Variants in PHTF2 observed in about 807,000 individuals in gnomAD.
PHTF2 encodes the protein putative homeodomain transcription factor 2.
In PHTF2, 60 loss-of-function variants were observed where a neutral mutation model predicts 101.2. The ratio of observed to expected loss-of-function variants is 0.59; its 90% CI spans 0.48 to 0.73. The LOEUF (loss-of-function observed/expected upper bound fraction) is 0.73. Ranked by LOEUF, PHTF2 falls within the 30% of genes least tolerant of loss-of-function variation. The pLI is 0.00. For missense variants in PHTF2, 747 were observed against 908.7 expected (o/e 0.82, Z 2.29); for synonymous variants, 311 against 307.3 (o/e 1.01, Z -0.13).
intron 16 of PHTF2, among the ~76,000 whole-genome samples, chr7:77,946,203 C>T (rs1385051638): frequency 6.6e-6 from 1 of 152,102 alleles, no homozygotes. Flanking sequence ...AGAAAACATG[C>T]AATCATATCA....
intron 7 of PHTF2, among the ~76,000 whole-genome samples, chr7:77,907,380 C>T (rs1344422556): frequency 6.6e-6 from 1 of 152,014 alleles, no homozygotes; most frequent in African/African-American, 2.4e-5. Flanking sequence ...GTATATTGGA[C>T]CAGGATTCTT....
intron 1 of PHTF2, among the ~76,000 whole-genome samples, chr7:77,829,736 G>A (rs1192496474): frequency 2.0e-5 from 3 of 152,158 alleles, no homozygotes; most frequent in Admixed American, 6.5e-5. Context: ...TTGTGGTGAA[G>A]GCAACTGAGT....
intron 7 of PHTF2, among the ~76,000 whole-genome samples, chr7:77,904,315 C>T (rs1400703796): frequency 6.6e-6 from 1 of 152,132 alleles, no homozygotes; most frequent in Non-Finnish European, 1.5e-5. Flanking sequence ...TTAGTCAATC[C>T]TCTATGTTCT....
intron 3 of PHTF2, among the ~76,000 whole-genome samples, chr7:77,890,742 A>T (rs1291066033): frequency 6.6e-6 from 1 of 150,876 alleles, no homozygotes; most frequent in Non-Finnish European, 1.5e-5. Context: ...AGTAACTGGG[A>T]CTACAGATGC....
intron 3 of PHTF2, among the ~76,000 whole-genome samples, chr7:77,860,960 TC>T (rs1423137663): frequency 1.3e-5 from 2 of 152,256 alleles, no homozygotes; most frequent in African/African-American, 4.8e-5. Context: ...CACCTCGGCC[TC>T]CCAAATTGTT....
At chr7:77,939,574 A>C (rs1053872724) in intron 13 of PHTF2, among the ~76,000 whole-genome samples, 2 of 143,168 alleles carry the variant, frequency 1.4e-5, no homozygotes, top group African/African-American at 5.4e-5. Context: ...TGGGCAATAG[A>C]GTGAGACCCT....
At chr7:77,845,595 A>C (rs1796213456) in intron 2 of PHTF2, among the ~76,000 whole-genome samples, 1 of 152,138 alleles carries the variant, frequency 6.6e-6, no homozygotes, top group African/African-American at 2.4e-5. Context: ...GGGAACTTTA[A>C]ATTTTCCACC....
chr7:77,950,038 C>T (rs986839712), intron 17 of PHTF2, among the ~76,000 whole-genome samples: 3 of 151,920 alleles, frequency 2.0e-5, no homozygotes, highest in African/African-American at 7.3e-5. Flanking sequence ...TTTTAATGTC[C>T]CATTTTTATT....
chr7:77,899,130 C>T (rs1213243691), intron 5 of PHTF2, among the ~76,000 whole-genome samples: 1 of 152,166 alleles, frequency 6.6e-6, no homozygotes, highest in African/African-American at 2.4e-5. Context: ...CACATTTTCT[C>T]TGTAAGACAC....
chr7:77,924,891 G>A (rs559835950), intron 11 of PHTF2, among the ~76,000 whole-genome samples: 1 of 152,136 alleles, frequency 6.6e-6, no homozygotes, highest in South Asian at 2.1e-4. Context: ...CCCGGTTTTT[G>A]CCTTTTTCTA....
intron 1 of PHTF2, among the ~76,000 whole-genome samples, chr7:77,810,272 A>T (rs748302504): frequency 4.6e-5 from 7 of 152,164 alleles, no homozygotes; most frequent in Non-Finnish European, 1.0e-4. Flanking sequence ...TAAATATAAG[A>T]TTATTCTTCT....
At chr7:77,936,546 C>T (rs574424056) in intron 12 of PHTF2, among the ~76,000 whole-genome samples, 7 of 151,670 alleles carry the variant, frequency 4.6e-5, no homozygotes, top group African/African-American at 1.7e-4. Flanking sequence ...TGGTGGTGGG[C>T]GCCTATAGTC....
At chr7:77,900,767 T>A (rs757516529) in exon 6 of PHTF2, 2 of 1,548,814 alleles carry the variant, frequency 1.3e-6, no homozygotes, top group South Asian at 1.1e-5. Flanking sequence ...TCATAGATGT[T>A]GATCTTGTAA....
chr7:77,866,956 A>G (rs1300867621), intron 3 of PHTF2, among the ~76,000 whole-genome samples: 1 of 152,200 alleles, frequency 6.6e-6, no homozygotes, highest in African/African-American at 2.4e-5. Flanking sequence ...TCCTTGTCAC[A>G]TGCTGCAATA....
intron 4 of PHTF2, 123 bp from the exon 4 acceptor site, chr7:77,893,859 C>G (rs1800658673): frequency 1.3e-6 from 1 of 775,184 alleles, no homozygotes; most frequent in Middle Eastern, 2.3e-4. Context: ...TATCATCTTT[C>G]TGTTCTTTTA....
intron 5 of PHTF2, among the ~76,000 whole-genome samples, chr7:77,894,791 G>C (rs769513435): frequency 6.6e-6 from 1 of 152,214 alleles, no homozygotes; most frequent in South Asian, 2.1e-4. Context: ...TTAACTCAAG[G>C]AAGACATTTC....
At chr7:77,869,901 T>C (rs896855839) in intron 3 of PHTF2, among the ~76,000 whole-genome samples, 2 of 152,214 alleles carry the variant, frequency 1.3e-5, no homozygotes, top group South Asian at 4.1e-4. Context: ...TTGAGAAATA[T>C]CTATGGCGAT....
Position 77,947,730 on chromosome 7 carries a change from A to C in PHTF2, c.1960-1948A>C, listed in dbSNP as rs529665843. Among the ~76,000 whole-genome samples, 110 of 152,226 alleles carry C rather than the reference A, an allele frequency of 7.2e-4. 1 individual carries two copies. The highest frequency in any genetic ancestry group is 3.4e-3 in the Middle Eastern group (1 of 294). On this transcript the variant is annotated intron_variant, in intron 16 of 19. Coordinates refer to ENST00000416283, the Ensembl canonical transcript of PHTF2. ...AAATAAGTAACTCATCAAGCTCCCT[A>C]AAACTCATCTGGAAGCACAGAAAGA...
intron 1 of PHTF2, among the ~76,000 whole-genome samples, chr7:77,814,498 C>G (rs916294912): frequency 6.6e-6 from 1 of 151,232 alleles, no homozygotes; most frequent in African/African-American, 2.4e-5. Context: ...CACTTCAGCA[C>G]TACACTTGGG....
Sources: allele counts gnomAD v4.1 joint callset (sites outside exome capture counted in the v4.1 genomes callset), GRCh38; gene constraint gnomAD v4.1.1; transcripts MANE v1.5; gene names NCBI Gene and HGNC (gene_info 2026-07-23, HGNC 2026-07-21).